The following KHDRBS2 variants were observed in gnomAD, a reference collection of about 807,000 sequenced individuals.
KHDRBS2 encodes the protein KH RNA binding domain containing, signal transduction associated 2, also known as KH domain-containing, RNA-binding, signal transduction-associated protein 2.
Under a neutral mutation model 44.3 loss-of-function variants are expected in KHDRBS2, and 26 were observed. The observed-to-expected ratio is 0.59, with a 90% CI of 0.43 to 0.81. KHDRBS2 has a LOEUF of 0.81. Among genes scored for constraint, KHDRBS2 ranks in the 40% least tolerant of loss-of-function variants. The pLI is 0.00. For missense variants in KHDRBS2, 476 were observed against 433.1 expected (o/e 1.10, Z -0.88); for synonymous variants, 194 against 151.1 (o/e 1.28, Z -2.08).
At chr6:62,266,201 AT>A (rs1283813943) in intron 1 of KHDRBS2, among the ~76,000 whole-genome samples, 5 of 152,050 alleles carry the variant, frequency 3.3e-5, no homozygotes, top group Admixed American at 3.3e-4. Flanking sequence ...ATCTTACATT[AT>A]AGCATCCTAT....
At chr6:62,270,826 T>A (rs1839976813) in intron 1 of KHDRBS2, among the ~76,000 whole-genome samples, 1 of 152,060 alleles carries the variant, frequency 6.6e-6, no homozygotes, top group African/African-American at 2.4e-5. Flanking sequence ...ACCTATGAGA[T>A]CGTTGGTAAG....
At chr6:61,963,608 T>C (rs1769248195) in intron 4 of KHDRBS2, among the ~76,000 whole-genome samples, 1 of 152,060 alleles carries the variant, frequency 6.6e-6, no homozygotes, top group African/African-American at 2.4e-5. Context: ...TCTCACTCTT[T>C]CTTTTCCAAT....
At chr6:62,037,631 T>C (rs186234208) in intron 3 of KHDRBS2, among the ~76,000 whole-genome samples, 2 of 152,060 alleles carry the variant, frequency 1.3e-5, no homozygotes, top group East Asian at 1.9e-4. Context: ...AATGTAAACA[T>C]CACAGCTTCT....
At chr6:62,117,404 T>G (rs1423408812) in intron 2 of KHDRBS2, among the ~76,000 whole-genome samples, 1 of 152,222 alleles carries the variant, frequency 6.6e-6, no homozygotes, top group Non-Finnish European at 1.5e-5. Context: ...TATCTTTTTT[T>G]TGAGAGATGT....
chr6:62,118,128 G>A lies in KHDRBS2; in HGVS notation c.219+59057C>T, dbSNP rs1806729516. On this transcript the variant is annotated intron_variant, in intron 2 of 8. Transcript: ENST00000281156. ...GATAGGTGTCTAGTTTCTTTCTTCTGCATACAATTATCCAGTTTTCCAAGT... is the reference window on the plus strand; with the variant it reads ...GATAGGTGTCTAGTTTCTTTCTTCTACATACAATTATCCAGTTTTCCAAGT... 1.3e-5 allele frequency among the ~76,000 whole-genome samples: 2 copies of A among 152,116 alleles called. 1 individual carries two copies. Among genetic ancestry groups the A allele is most frequent in the South Asian group, 4.1e-4 (2 of 4,828 alleles).
At chr6:61,914,688 CAA>C (rs1014258533) in intron 4 of KHDRBS2, among the ~76,000 whole-genome samples, 2 of 152,056 alleles carry the variant, frequency 1.3e-5, no homozygotes, top group Non-Finnish European at 2.9e-5. Flanking sequence ...CATTTCTAAA[CAA>C]AGAGACTTCT....
intron 2 of KHDRBS2, among the ~76,000 whole-genome samples, chr6:62,068,926 T>C (rs1296393655): frequency 6.6e-6 from 1 of 151,718 alleles, no homozygotes; most frequent in Non-Finnish European, 1.5e-5. Flanking sequence ...AAATTAACTG[T>C]TTGAGTTCTT....
the KHDRBS2 span, among the ~76,000 whole-genome samples, chr6:61,553,189 T>C: frequency 2.3e-4 from 35 of 152,226 alleles, no homozygotes; most frequent in African/African-American, 1.4e-4. Flanking sequence ...TTTGAACTTA[T>C]GATTTGTTCA....
chr6:62,069,127 G>A (rs192207267), intron 2 of KHDRBS2, among the ~76,000 whole-genome samples: 6 of 151,692 alleles, frequency 4.0e-5, no homozygotes, highest in Admixed American at 3.3e-4. Flanking sequence ...CTCTTGTGTA[G>A]TTAAAAATCT....
intron 2 of KHDRBS2, among the ~76,000 whole-genome samples, chr6:62,138,604 T>C (rs1379868811): frequency 6.6e-6 from 1 of 152,222 alleles, no homozygotes; most frequent in African/African-American, 2.4e-5. Context: ...TAGCAGTCTG[T>C]TGCCAAACAA....
chr6:61,796,023 TTAACTGAG>T (rs1785301825), intron 6 of KHDRBS2, among the ~76,000 whole-genome samples: 1 of 152,198 alleles, frequency 6.6e-6, no homozygotes, highest in East Asian at 1.9e-4. Context: ...TTTGTCACTT[TTAACTGAG>T]TAATCTGACC....
At chr6:61,985,775 C>T (rs887160535) in intron 3 of KHDRBS2, among the ~76,000 whole-genome samples, 6 of 152,204 alleles carry the variant, frequency 3.9e-5, no homozygotes, top group Non-Finnish European at 7.4e-5. Context: ...TGACTTAGCA[C>T]GTGACTTCCC....
intron 1 of KHDRBS2, among the ~76,000 whole-genome samples, chr6:62,274,449 G>A (rs766488984): frequency 1.3e-5 from 2 of 152,130 alleles, no homozygotes; most frequent in South Asian, 4.1e-4. Flanking sequence ...TACAAGGTAT[G>A]TGTGATAAGC....
chr6:61,672,293 C>T, the KHDRBS2 span, among the ~76,000 whole-genome samples: 1 of 151,944 alleles, frequency 6.6e-6, no homozygotes, highest in African/African-American at 2.4e-5. Context: ...GTGAATAATG[C>T]CGCAATAAAC....
chr6:62,221,772 A>C (rs1585270126), intron 1 of KHDRBS2, among the ~76,000 whole-genome samples: 1 of 152,102 alleles, frequency 6.6e-6, no homozygotes, highest in Non-Finnish European at 1.5e-5. Context: ...CTTTGAGAAA[A>C]CTATTAAAAA....
intron 6 of KHDRBS2, among the ~76,000 whole-genome samples, chr6:61,817,700 T>C (rs776778288): frequency 7.2e-5 from 11 of 152,106 alleles, no homozygotes; most frequent in Non-Finnish European, 1.3e-4. Flanking sequence ...GCTGTGGTTT[T>C]GTATACAATG....
chr6:61,659,628 G>A, the KHDRBS2 span, among the ~76,000 whole-genome samples: 1 of 151,502 alleles, frequency 6.6e-6, no homozygotes, highest in African/African-American at 2.4e-5. Flanking sequence ...AGTTCACTTC[G>A]GTGTTCTTTT....
intron 1 of KHDRBS2, among the ~76,000 whole-genome samples, chr6:62,214,998 T>C (rs10455678): frequency 1.3e-5 from 2 of 148,516 alleles, no homozygotes; most frequent in African/African-American, 4.9e-5. Context: ...GATAAAAAAA[T>C]TTAAAATCCA....
At chr6:61,812,465 C>G (rs930901249) in intron 6 of KHDRBS2, among the ~76,000 whole-genome samples, 3 of 151,880 alleles carry the variant, frequency 2.0e-5, no homozygotes, top group Admixed American at 2.0e-4. Context: ...TCCAACAACC[C>G]AGGAGGAAAC....
Sources: gnomAD v4.1 joint callset for allele counts (sites outside exome capture counted in the v4.1 genomes callset) on GRCh38, gnomAD v4.1.1 for gene constraint, MANE v1.5 for transcripts, NCBI Gene and HGNC (gene_info 2026-07-23, HGNC 2026-07-21) for gene names.